The following SPICE1 variants were observed in gnomAD, a reference collection of about 807,000 sequenced individuals.
SPICE1 encodes the protein spindle and centriole associated protein 1.
Under a neutral mutation model 102.7 loss-of-function variants are expected in SPICE1, and 75 were observed. The ratio of observed to expected loss-of-function variants is 0.73; its 90% CI spans 0.61 to 0.88. The LOEUF (loss-of-function observed/expected upper bound fraction) is 0.88. Among genes scored for constraint, SPICE1 ranks in the 40% least tolerant of loss-of-function variants. SPICE1 has a pLI of 0.00. For missense variants in SPICE1, 979 were observed against 1,020.1 expected, an observed-to-expected ratio of 0.96 and a Z score of 0.55; for synonymous variants, 308 against 350.3, an observed-to-expected ratio of 0.88 and a Z score of 1.35.
chr3:113,511,479 A>C (rs919326282), intron 1 of SPICE1, among the ~76,000 whole-genome samples: 1 of 152,220 alleles, frequency 6.6e-6, no homozygotes, highest in Non-Finnish European at 1.5e-5. Context: ...TGGAACTGGA[A>C]GCCATTACAC....
intron 10 of SPICE1, 75 bp from the exon 11 acceptor site, chr3:113,465,859 G>A (rs1330690815): frequency 4.6e-5 from 66 of 1,435,216 alleles, no homozygotes; most frequent in Non-Finnish European, 6.0e-5. Context: ...CTCAAAGCTG[G>A]CAAAGAAGAT....
At chr3:113,485,454 C>A (rs1015897417) in intron 7 of SPICE1, among the ~76,000 whole-genome samples, 1 of 152,150 alleles carries the variant, frequency 6.6e-6, no homozygotes, top group Non-Finnish European at 1.5e-5. Flanking sequence ...ACAGTGTAAA[C>A]AAAGCCACCA....
At chr3:113,492,866 G>C (rs1936795790) in intron 6 of SPICE1, among the ~76,000 whole-genome samples, 1 of 152,150 alleles carries the variant, frequency 6.6e-6, no homozygotes, top group East Asian at 1.9e-4. Flanking sequence ...CAGTCTTGTT[G>C]AGCCACATGG....
chr3:113,448,745 T>C (rs1935574620), intron 15 of SPICE1: 1 of 152,210 alleles, frequency 6.6e-6, no homozygotes, highest in Non-Finnish European at 1.5e-5. Context: ...CTCCTGACTT[T>C]GTGTGACTTC....
chr3:113,497,020 A>C (rs1379254996), intron 4 of SPICE1, among the ~76,000 whole-genome samples: 3 of 152,256 alleles, frequency 2.0e-5, no homozygotes, highest in Non-Finnish European at 1.5e-5. Context: ...CTTTAACAGC[A>C]GAACTCCTGC....
At chr3:113,478,526 T>C (rs1375941601) in intron 7 of SPICE1, among the ~76,000 whole-genome samples, 1 of 152,118 alleles carries the variant, frequency 6.6e-6, no homozygotes, top group Non-Finnish European at 1.5e-5. Context: ...AATGAAGATA[T>C]AACACTTATG....
intron 13 of SPICE1, among the ~76,000 whole-genome samples, chr3:113,454,782 T>A (rs939264313): frequency 2.0e-5 from 3 of 151,790 alleles, no homozygotes; most frequent in Non-Finnish European, 4.4e-5. Context: ...AGTCACTTTA[T>A]CAGACACAAG....
chr3:113,468,447 T>A (rs1936116466), intron 9 of SPICE1, 43 bp from the exon 10 acceptor site: 1 of 1,580,976 alleles, frequency 6.3e-7, no homozygotes, highest in South Asian at 1.2e-5. Flanking sequence ...CCAGGAAAAA[T>A]TATGACTAGA....
intron 7 of SPICE1, among the ~76,000 whole-genome samples, chr3:113,477,638 G>A (rs898736196): frequency 1.3e-5 from 2 of 152,060 alleles, no homozygotes; most frequent in Non-Finnish European, 2.9e-5. Context: ...CCTTTGTAGG[G>A]ACATGGATGA....
chr3:113,458,628 C>T lies in SPICE1; in HGVS notation c.1436-1271G>A, dbSNP rs535495128. Reference sequence around the variant, plus strand: ...GCCGAGATTGCAGCCTCTGCCCGGCCGCCACCCCGTCTAGGAAGTGAGGAG... The same window carrying T: ...GCCGAGATTGCAGCCTCTGCCCGGCTGCCACCCCGTCTAGGAAGTGAGGAG... On this transcript the variant is annotated intron_variant, in intron 12 of 17. Coordinates refer to ENST00000295872, the MANE Select transcript of SPICE1 (RefSeq NM_144718.4). 3.9e-5 allele frequency among the ~76,000 whole-genome samples: 6 copies of T among 152,302 alleles called. 1 individual carries two copies. In the South Asian group the frequency reaches 8.3e-4, roughly 21 times the overall value.
chr3:113,497,219 T>C (rs1343073255), intron 4 of SPICE1, among the ~76,000 whole-genome samples: 1 of 152,242 alleles, frequency 6.6e-6, no homozygotes, highest in Admixed American at 6.5e-5. Context: ...GGCCATTTTG[T>C]ATTCAGAGAC....
chr3:113,506,975 T>C (rs949566582), intron 1 of SPICE1, among the ~76,000 whole-genome samples: 2 of 152,176 alleles, frequency 1.3e-5, no homozygotes, highest in Non-Finnish European at 2.9e-5. Flanking sequence ...ACAATATGAA[T>C]GTAAGGTGAA....
At chr3:113,509,575 T>C (rs1989359) in intron 1 of SPICE1, among the ~76,000 whole-genome samples, 4,321 of 152,294 alleles carry the variant, frequency 0.028, 104 homozygotes, top group East Asian at 0.081. Flanking sequence ...CTGTTCTGTC[T>C]TGAGAGACAA....
chr3:113,491,877 T>C (rs1936777181), intron 6 of SPICE1, among the ~76,000 whole-genome samples: 1 of 152,190 alleles, frequency 6.6e-6, no homozygotes, highest in Non-Finnish European at 1.5e-5. Flanking sequence ...TCTACTGCTG[T>C]ATTAATGGTA....
Position 113,514,945 on chromosome 3 carries a change from T to C in SPICE1, c.-49A>G. On this transcript the variant is annotated 5_prime_UTR_variant, in exon 1 of 18. Coordinates refer to ENST00000295872, the MANE Select transcript of SPICE1 (RefSeq NM_144718.4). ...GCGGCTGCGCTTCCTGAAGTAAGGA[T>C]TCCCCAACCGGGCGCCTGGATCCCA... is the stretch of plus-strand genomic sequence containing the variant. 1 of 1,014,978 alleles carries C rather than the reference T, an allele frequency of 9.9e-7. No homozygotes were observed. Among genetic ancestry groups the C allele is most frequent in the Non-Finnish European group, 1.3e-6 (1 of 790,824 alleles). 62.9% of individuals were successfully genotyped at this position (1,014,978 alleles called of 1,614,324 possible). A position where few individuals can be genotyped will look rare whatever the true frequency, so the allele number is the denominator to read the frequency against.
intron 16 of SPICE1, 46 bp from the exon 17 acceptor site, chr3:113,446,722 T>A (rs1010317931): frequency 1.4e-6 from 2 of 1,445,818 alleles, no homozygotes; most frequent in Non-Finnish European, 1.9e-6. Flanking sequence ...GCTATCATTA[T>A]TAACCTTAAA....
At chr3:113,460,554 G>T in intron 12 of SPICE1, 63 bp downstream of exon 12, 1 of 1,532,444 alleles carries the variant, frequency 6.5e-7, no homozygotes, top group Non-Finnish European at 8.7e-7. Flanking sequence ...TTTAAGGTTT[G>T]GTTTGTTATC....
At chr3:113,487,229 G>A (rs1481628523) in intron 7 of SPICE1, among the ~76,000 whole-genome samples, 2 of 152,052 alleles carry the variant, frequency 1.3e-5, no homozygotes, top group Non-Finnish European at 1.5e-5. Flanking sequence ...GATTGAATAT[G>A]AATAAATATA....
Position 113,453,718 on chromosome 3 carries a change from A to C in SPICE1, c.1890T>G (p.Asn630Lys). 6.2e-7 allele frequency: 1 copy of C among 1,614,092 alleles called. No individual in the cohort carries two copies. The highest frequency in any genetic ancestry group is 8.5e-7 in the Non-Finnish European group (1 of 1,180,012). The change falls in exon 14 of 18, where the codon AAT (asparagine) becomes AAG (lysine). Residue 630 changes from asparagine to lysine, a missense_variant. By Grantham distance (94) the Asn-to-Lys change is moderately conservative (BLOSUM62 0). Transcript: ENST00000295872. ...TTGACTGTTGAGTGTTGGAATGGGAATTGCAGAGGGGCTGTGAGAGGTTAA... is the reference window on the plus strand; with the variant it reads ...TTGACTGTTGAGTGTTGGAATGGGACTTGCAGAGGGGCTGTGAGAGGTTAA... ...PFVNLSQPLCNSHSNTQQSRS... is the reference protein window; with the variant it reads ...PFVNLSQPLCKSHSNTQQSRS...
Sources: allele counts gnomAD v4.1 joint callset (sites outside exome capture counted in the v4.1 genomes callset), GRCh38; gene constraint gnomAD v4.1.1; transcripts MANE v1.5; gene names NCBI Gene and HGNC (gene_info 2026-07-23, HGNC 2026-07-21).